Variants in CFDP1 observed in about 807,000 individuals in gnomAD.
CFDP1 encodes chromatin remodeling protein CFDP1, also known as heterochromatin-stabilizing protein CFDP1.
Under a neutral mutation model 40.1 loss-of-function variants are expected in CFDP1, and 31 were observed. The ratio of observed to expected loss-of-function variants is 0.77; its 90% confidence interval spans 0.58 to 1.04. The LOEUF (loss-of-function observed/expected upper bound fraction) is 1.04, where lower values mean the gene tolerates loss of function less well. Ranked by LOEUF, CFDP1 falls within the 50% of genes least tolerant of loss-of-function variation. The pLI, the probability that CFDP1 is intolerant of heterozygous loss-of-function variation, is 0.00. For missense variants in CFDP1, 423 were observed against 343.4 expected (o/e 1.23, Z -1.83); for synonymous variants, 167 against 120.0 (o/e 1.39, Z -2.56).
At chr16:75,381,595 T>C (rs927397491) in intron 5 of CFDP1, among the ~76,000 whole-genome samples, 1 of 152,186 alleles carries the variant, frequency 6.6e-6, no homozygotes, top group Admixed American at 6.5e-5. Context: ...ATGAGAACAC[T>C]AGACTGGAAA....
intron 5 of CFDP1, among the ~76,000 whole-genome samples, chr16:75,387,547 A>G (rs1271703782): frequency 6.6e-6 from 1 of 152,190 alleles, no homozygotes; most frequent in African/African-American, 2.4e-5. Context: ...TGTCACCACT[A>G]GTTCCTGAAA....
At chr16:75,355,935 G>T (rs1199846281) in intron 5 of CFDP1, among the ~76,000 whole-genome samples, 1 of 152,142 alleles carries the variant, frequency 6.6e-6, no homozygotes, top group African/African-American at 2.4e-5. Context: ...ACTAATACAG[G>T]CTATACTTCT....
intron 5 of CFDP1, among the ~76,000 whole-genome samples, chr16:75,307,819 C>T (rs112050360): frequency 0.013 from 1,946 of 152,246 alleles, 27 homozygotes; most frequent in African/African-American, 0.044. Flanking sequence ...CTTGGCCTCC[C>T]GAAGTACTGG....
intron 5 of CFDP1, among the ~76,000 whole-genome samples, chr16:75,380,753 A>G (rs962242915): frequency 6.6e-6 from 1 of 152,184 alleles, no homozygotes; most frequent in African/African-American, 2.4e-5. Context: ...CAAACCAAAG[A>G]ATTAACATAA....
chr16:75,393,604 G>A lies in CFDP1; in HGVS notation c.650+1486C>T, dbSNP rs542579659. 6.8e-3 allele frequency among the ~76,000 whole-genome samples: 1,036 copies of A among 151,328 alleles called. 3 individuals are homozygous for A. Among genetic ancestry groups the A allele is most frequent in the Non-Finnish European group, 0.012 (792 of 67,810 alleles). On this transcript the variant is annotated intron_variant, in intron 5 of 6. Coordinates refer to ENST00000283882, the MANE Select transcript of CFDP1 (RefSeq NM_006324.3). ...AAATTAGCCGGGCGCGGTGGCGGGCGCCTGTAGTCCCAGCTACTCGGGAGG... is the reference window on the plus strand; with the variant it reads ...AAATTAGCCGGGCGCGGTGGCGGGCACCTGTAGTCCCAGCTACTCGGGAGG...
intron 5 of CFDP1, among the ~76,000 whole-genome samples, chr16:75,393,858 G>C (rs923786146): frequency 6.7e-6 from 1 of 150,336 alleles, no homozygotes; most frequent in Non-Finnish European, 1.5e-5. Flanking sequence ...AGGAGATCAA[G>C]ACCATCCTGG....
chr16:75,357,103 G>C (rs2151529607), intron 5 of CFDP1, among the ~76,000 whole-genome samples: 1 of 151,778 alleles, frequency 6.6e-6, no homozygotes, highest in East Asian at 1.9e-4. Flanking sequence ...AGTAGAGATG[G>C]GCTTTTGCCA....
chr16:75,388,514 C>G (rs909479683), intron 5 of CFDP1, among the ~76,000 whole-genome samples: 1 of 152,170 alleles, frequency 6.6e-6, no homozygotes, highest in Non-Finnish European at 1.5e-5. Context: ...GTAGGGACCA[C>G]AAAAGGGCAA....
chr16:75,414,422 C>T (rs1289851396), intron 2 of CFDP1, among the ~76,000 whole-genome samples, 156 bp downstream of exon 2: 1 of 152,020 alleles, frequency 6.6e-6, no homozygotes, highest in Admixed American at 6.6e-5. Flanking sequence ...TTCCAGAGAC[C>T]AAGAAGTTAA....
rs140029724 is a variant in CFDP1 at position 75,347,862 on chromosome 16, C to A, written c.651-42680G>T. ...TCTCCAACATCCATAACCTCATTCT[C>A]ATCATGCGAAATCACGAAGCAAACC... On this transcript the variant is annotated intron_variant, in intron 5 of 6. Coordinates refer to ENST00000283882, the MANE Select transcript of CFDP1 (RefSeq NM_006324.3). Among the ~76,000 whole-genome samples the A allele has an allele frequency of 6.6e-3, 1,004 of 152,262 alleles. 11 individuals carry two copies. The highest frequency in any genetic ancestry group is 0.017 in the Middle Eastern group (5 of 294).
intron 5 of CFDP1, among the ~76,000 whole-genome samples, chr16:75,389,212 C>G (rs946944633): frequency 6.6e-6 from 1 of 152,150 alleles, no homozygotes; most frequent in African/African-American, 2.4e-5. Context: ...GCTGAGAAAA[C>G]TGGATGCAAG....
At chr16:75,342,618 T>C (rs1456997802) in intron 5 of CFDP1, among the ~76,000 whole-genome samples, 1 of 152,176 alleles carries the variant, frequency 6.6e-6, no homozygotes, top group Non-Finnish European at 1.5e-5. Context: ...ACGTGGGCTC[T>C]ATCTGCATAC....
intron 5 of CFDP1, among the ~76,000 whole-genome samples, chr16:75,306,877 TCACACACACACACA>T (rs59846343): frequency 7.4e-6 from 1 of 135,566 alleles, no homozygotes; most frequent in African/African-American, 3.0e-5. Flanking sequence ...GTGCGCGTGA[TCACACACACACACA>T]CACACACACA....
chr16:75,351,331 C>G (rs973278596), intron 5 of CFDP1, among the ~76,000 whole-genome samples: 2 of 152,144 alleles, frequency 1.3e-5, no homozygotes, highest in Non-Finnish European at 2.9e-5. Context: ...TCCCTAATGT[C>G]TTGAAATAAT....
chr16:75,322,786 G>A (rs778454667), intron 5 of CFDP1, among the ~76,000 whole-genome samples: 4 of 151,752 alleles, frequency 2.6e-5, no homozygotes, highest in Non-Finnish European at 4.4e-5. Flanking sequence ...ATCCCAAATC[G>A]GAAACACTTC....
chr16:75,402,860 T>G (rs2079067217), intron 4 of CFDP1, among the ~76,000 whole-genome samples: 1 of 152,088 alleles, frequency 6.6e-6, no homozygotes, highest in Non-Finnish European at 1.5e-5. Context: ...ATTAACAGGG[T>G]TTTTGTTTTC....
At position 75,299,338 on chromosome 16, in the gene CFDP1, A is replaced by G. The variant is rs2078205787; in HGVS notation, c.810-5296T>C. Among the ~76,000 whole-genome samples, 6 of 152,106 alleles carry G rather than the reference A, an allele frequency of 3.9e-5. No individual in the cohort carries two copies. The South Asian group carries it at 1.2e-3, about 32-fold the overall frequency. ...TGCAGTGGCTCACGCCTGTAATCCC[A>G]GCACTTTGGGAGGCTGAGGTGGGTG... On this transcript the variant is annotated intron_variant, in intron 6 of 6. Transcript: ENST00000283882.
intron 5 of CFDP1, among the ~76,000 whole-genome samples, chr16:75,347,529 A>G (rs1000306114): frequency 6.7e-6 from 1 of 150,224 alleles, no homozygotes; most frequent in Non-Finnish European, 1.5e-5. Context: ...AATACAAAAA[A>G]TTAGCTGAGT....
At chr16:75,323,779 CA>C (rs5817940) in intron 5 of CFDP1, among the ~76,000 whole-genome samples, 2,187 of 136,076 alleles carry the variant, frequency 0.016, 49 homozygotes, top group African/African-American at 0.051. Flanking sequence ...AGCTCTGTCT[CA>C]AAAAAAAAAA....
Sources: allele counts gnomAD v4.1 joint callset (sites outside exome capture counted in the v4.1 genomes callset), GRCh38; gene constraint gnomAD v4.1.1; transcripts MANE v1.5; gene names NCBI Gene and HGNC (gene_info 2026-07-23, HGNC 2026-07-21).